ELP4: variants seen among roughly 807,000 people sequenced by gnomAD.
ELP4 encodes the protein elongator acetyltransferase complex subunit 4, also known as elongator complex protein 4.
ELP4 carries 51 observed loss-of-function variants against 48.9 expected under a neutral mutation model. That is an observed-to-expected ratio of 1.04 (90% CI 0.83 to 1.32). The LOEUF (loss-of-function observed/expected upper bound fraction) is 1.32, where lower values mean the gene tolerates loss of function less well. Among genes scored for constraint, ELP4 ranks in the 40% most tolerant of loss-of-function variants. The pLI is 0.00. For missense variants in ELP4, 519 were observed against 514.6 expected (o/e 1.01, Z -0.08); for synonymous variants, 210 against 189.2 (o/e 1.11, Z -0.90).
chr11:31,557,232 G>A (rs1036619554), intron 3 of ELP4, among the ~76,000 whole-genome samples: 2 of 151,622 alleles, frequency 1.3e-5, no homozygotes, highest in Non-Finnish European at 3.0e-5. Flanking sequence ...AATTCGAAGG[G>A]TTTATATTAT....
chr11:31,540,098 T>A (rs1956569035), intron 3 of ELP4, among the ~76,000 whole-genome samples: 1 of 152,188 alleles, frequency 6.6e-6, no homozygotes, highest in Non-Finnish European at 1.5e-5. Context: ...AGCAAAAAAT[T>A]CTAGTTTACA....
rs1436599619 is a variant in ELP4 at position 31,787,409 on chromosome 11, A to T, written c.*3885A>T. The T allele has an allele frequency of 4.3e-6, 1 of 233,092 alleles. No homozygotes were observed. The highest frequency in any genetic ancestry group is 8.5e-6 in the Non-Finnish European group (1 of 118,018). 14.4% of individuals were successfully genotyped at this position (233,092 alleles called of 1,614,324 possible). The stretch of plus-strand genomic sequence containing the variant: ...GGTCTCCAAAGTCTCTGCTGTCTAC[A>T]CAACAGAACCGTGGGCCGGAACTGG... On this transcript the variant is annotated 3_prime_UTR_variant, in exon 10 of 10. Transcript: ENST00000640961.
At chr11:31,730,334 G>A (rs1203807838) in intron 9 of ELP4, among the ~76,000 whole-genome samples, 2 of 152,176 alleles carry the variant, frequency 1.3e-5, no homozygotes, top group East Asian at 1.9e-4. Context: ...CTCACATGGT[G>A]GAAGGAGCAG....
Position 31,627,105 on chromosome 11 carries a change from A to G in ELP4, c.654-5A>G. ...ATGTATTTGAACCACTTCTTTTACC[A>G]ACAGTTCTTTGACCCCTGGCTACAC... is the stretch of plus-strand genomic sequence containing the variant. On this transcript the variant is annotated splice_region_variant and splice_polypyrimidine_tract_variant and intron_variant, in intron 5 of 9. Coordinates refer to ENST00000640961, the MANE Select transcript of ELP4 (RefSeq NM_019040.5). 6.3e-7 allele frequency: 1 copy of G among 1,597,426 alleles called. No individual in the cohort carries two copies. The highest frequency in any genetic ancestry group is 8.6e-7 in the Non-Finnish European group (1 of 1,166,814).
intron 2 of ELP4, among the ~76,000 whole-genome samples, chr11:31,526,353 T>G (rs1206599093): frequency 5.3e-5 from 8 of 152,114 alleles, no homozygotes; most frequent in Admixed American, 5.2e-4. Flanking sequence ...GTTATTTTTA[T>G]TATTTATTGG....
chr11:31,720,423 T>A (rs984586490), intron 9 of ELP4, among the ~76,000 whole-genome samples: 2 of 152,150 alleles, frequency 1.3e-5, no homozygotes, highest in Admixed American at 1.3e-4. Context: ...TTTCAAATTG[T>A]TTTGCTTGAA....
intron 5 of ELP4, among the ~76,000 whole-genome samples, chr11:31,619,146 A>T (rs749174977): frequency 1.3e-4 from 20 of 151,962 alleles, no homozygotes; most frequent in Admixed American, 3.3e-4. Context: ...CAAGGGAGAG[A>T]TAACGATATG....
chr11:31,576,175 AG>A (rs1957274860), intron 3 of ELP4, among the ~76,000 whole-genome samples: 1 of 152,238 alleles, frequency 6.6e-6, no homozygotes, highest in Non-Finnish European at 1.5e-5. Flanking sequence ...AAATCAACAA[AG>A]ATCAGAAGAG....
chr11:31,776,152 CAAAAAAAAAAA>C (rs371572032), intron 9 of ELP4, among the ~76,000 whole-genome samples: 5 of 51,718 alleles, frequency 9.7e-5, no homozygotes, highest in South Asian at 1.8e-3. Flanking sequence ...CCCTATCTCA[CAAAAAAAAAAA>C]AAAAAAAAAA....
chr11:31,655,904 G>A (rs138839424), intron 9 of ELP4, among the ~76,000 whole-genome samples: 183 of 151,856 alleles, frequency 1.2e-3, no homozygotes, highest in Non-Finnish European at 1.9e-3. Flanking sequence ...ATTTCTTACC[G>A]GCAACCTGAA....
chr11:31,752,588 A>G (rs879852459), intron 9 of ELP4, among the ~76,000 whole-genome samples: 9 of 152,092 alleles, frequency 5.9e-5, no homozygotes, highest in Non-Finnish European at 1.2e-4. Context: ...TAATCCCAGC[A>G]CTTTGGGAGG....
At chr11:31,752,389 A>G (rs1947739846) in intron 9 of ELP4, among the ~76,000 whole-genome samples, 1 of 152,218 alleles carries the variant, frequency 6.6e-6, no homozygotes, top group Non-Finnish European at 1.5e-5. Context: ...ATCAGGAACA[A>G]AGAGAATATA....
chr11:31,535,974 G>A (rs1019247341), intron 2 of ELP4, among the ~76,000 whole-genome samples: 1 of 152,146 alleles, frequency 6.6e-6, no homozygotes, highest in Non-Finnish European at 1.5e-5. Context: ...AGGGCAAAAT[G>A]TAAGGTACTA....
chr11:31,552,927 A>C (rs1409775696), intron 3 of ELP4, among the ~76,000 whole-genome samples: 2 of 152,176 alleles, frequency 1.3e-5, no homozygotes, highest in Non-Finnish European at 2.9e-5. Context: ...GGCATGCTCC[A>C]AAATTAGGGC....
intron 3 of ELP4, among the ~76,000 whole-genome samples, chr11:31,579,662 A>T (rs897415326): frequency 1.8e-4 from 27 of 151,846 alleles, no homozygotes; most frequent in African/African-American, 6.3e-4. Flanking sequence ...GGAAACCATC[A>T]TTCTGAGCAA....
chr11:31,690,735 A>G (rs1946261241), intron 9 of ELP4, among the ~76,000 whole-genome samples: 1 of 149,740 alleles, frequency 6.7e-6, no homozygotes, highest in Non-Finnish European at 1.5e-5. Flanking sequence ...GTAACTAGTC[A>G]TTACTAGTAA....
chr11:31,759,398 A>C (rs1271902807), intron 9 of ELP4, among the ~76,000 whole-genome samples: 1 of 152,234 alleles, frequency 6.6e-6, no homozygotes, highest in African/African-American at 2.4e-5. Context: ...CACCTATGCT[A>C]ACATTAGCCA....
chr11:31,667,321 A>C (rs1945701473), intron 9 of ELP4, among the ~76,000 whole-genome samples: 1 of 152,156 alleles, frequency 6.6e-6, no homozygotes, highest in Non-Finnish European at 1.5e-5. Context: ...TATTTTCTAT[A>C]ATCTTATGAA....
At chr11:31,762,205 A>G (rs963004988) in intron 9 of ELP4, 2 of 152,188 alleles carry the variant, frequency 1.3e-5, no homozygotes, top group African/African-American at 4.8e-5. Flanking sequence ...CAAAACAGAA[A>G]AAAACTTGAC....
Sources: gnomAD v4.1 joint callset for allele counts (sites outside exome capture counted in the v4.1 genomes callset) on GRCh38, gnomAD v4.1.1 for gene constraint, MANE v1.5 for transcripts, NCBI Gene and HGNC (gene_info 2026-07-23, HGNC 2026-07-21) for gene names.